The following SPMIP9 variants were observed in gnomAD, a reference collection of about 807,000 sequenced individuals.
The protein encoded by SPMIP9 is protein SPMIP9.
chr2:88,529,076 C>T, the SPMIP9 span: 385 of 1,612,926 alleles, frequency 2.4e-4, 1 homozygote, highest in South Asian at 5.6e-4. Flanking sequence ...TGCTCAACTC[C>T]GGGACAAAGA....
the SPMIP9 span, among the ~76,000 whole-genome samples, chr2:88,527,590 A>G: frequency 3.9e-5 from 6 of 152,140 alleles, no homozygotes; most frequent in Admixed American, 2.6e-4. Flanking sequence ...ACATTATGGC[A>G]TATTATTCAT....
chr2:88,526,390 C>T, the SPMIP9 span: 3 of 1,591,138 alleles, frequency 1.9e-6, no homozygotes, highest in Non-Finnish European at 2.6e-6. Context: ...GTTTTATATT[C>T]TCCTTGTGCT....
At chr2:88,529,152 C>G in the SPMIP9 span, 2 of 1,614,144 alleles carry the variant, frequency 1.2e-6, no homozygotes, top group South Asian at 1.1e-5. Context: ...TTCAAAAGAC[C>G]CCACATGACT....
the SPMIP9 span, chr2:88,525,589 T>A: frequency 6.2e-7 from 1 of 1,612,248 alleles, no homozygotes; most frequent in Admixed American, 1.7e-5. Flanking sequence ...GTGGCTACTT[T>A]CCTTGTCTGT....
chr2:88,526,332 A>G, the SPMIP9 span: 1 of 1,190,966 alleles, frequency 8.4e-7, no homozygotes, highest in Admixed American at 1.7e-5. Flanking sequence ...ACAAACAGCA[A>G]GAAGCCATTG....
chr2:88,527,220 C>G, the SPMIP9 span, among the ~76,000 whole-genome samples: 4 of 152,096 alleles, frequency 2.6e-5, no homozygotes, highest in Non-Finnish European at 4.4e-5. Flanking sequence ...GGAATCCCAG[C>G]ATTTTGGGAG....
the SPMIP9 span, chr2:88,526,445 T>C: frequency 1.2e-6 from 2 of 1,614,120 alleles, no homozygotes; most frequent in South Asian, 2.2e-5. Context: ...TCCCACATGG[T>C]CGACTATCAG....
the SPMIP9 span, chr2:88,529,454 T>C: frequency 3.7e-6 from 6 of 1,612,840 alleles, no homozygotes; most frequent in South Asian, 1.1e-5. Context: ...GTGGGGACCC[T>C]TGATGCCATT....
chr2:88,529,059 AGCTC>A, the SPMIP9 span: 1 of 1,610,358 alleles, frequency 6.2e-7, no homozygotes, highest in Non-Finnish European at 8.5e-7. Flanking sequence ...CAGCAGGCAA[AGCTC>A]GATGCTCAAC....
chr2:88,525,559 G>C, the SPMIP9 span: 1 of 1,547,962 alleles, frequency 6.5e-7, no homozygotes, highest in Non-Finnish European at 8.9e-7. Context: ...GCCATGCTTG[G>C]TTGGCACAGC....
chr2:88,526,438 C>T, the SPMIP9 span: 2 of 1,614,054 alleles, frequency 1.2e-6, no homozygotes, highest in Non-Finnish European at 1.7e-6. Context: ...CCAAAGCTCC[C>T]ACATGGTCGA....
chr2:88,525,822 GA>G, the SPMIP9 span: 1 of 768,492 alleles, frequency 1.3e-6, no homozygotes, highest in South Asian at 1.7e-5. Context: ...GGTACAAGAA[GA>G]AGAAGAGAAC....
the SPMIP9 span, among the ~76,000 whole-genome samples, chr2:88,526,689 G>A: frequency 6.6e-6 from 1 of 151,850 alleles, no homozygotes; most frequent in Non-Finnish European, 1.5e-5. Context: ...TTTTGAGAAG[G>A]AGTCTTACTC....
At chr2:88,529,451 C>T in the SPMIP9 span, 1 of 1,612,922 alleles carries the variant, frequency 6.2e-7, no homozygotes. Flanking sequence ...CCGGTGGGGA[C>T]CCTTGATGCC....
chr2:88,526,623 T>G, the SPMIP9 span: 1 of 743,430 alleles, frequency 1.3e-6, no homozygotes, highest in East Asian at 2.7e-5. Context: ...CCAGGAGATA[T>G]GACTTAGAGA....
chr2:88,529,226 G>A, the SPMIP9 span: 125 of 1,614,138 alleles, frequency 7.7e-5, no homozygotes, highest in East Asian at 1.6e-3. Context: ...GAGGGAGGAC[G>A]AGCGCAAGTT....
chr2:88,527,679 T>TTGG, the SPMIP9 span, among the ~76,000 whole-genome samples: 1 of 152,196 alleles, frequency 6.6e-6, no homozygotes, highest in African/African-American at 2.4e-5. Flanking sequence ...TCTCTTCTTA[T>TTGG]TGGTGGACAT....
the SPMIP9 span, among the ~76,000 whole-genome samples, chr2:88,528,544 A>G: frequency 6.6e-6 from 1 of 152,234 alleles, no homozygotes; most frequent in Non-Finnish European, 1.5e-5. Flanking sequence ...AATTGTTAAT[A>G]TAGTTAGATT....
the SPMIP9 span, chr2:88,525,815 A>C: frequency 2.6e-6 from 2 of 763,384 alleles, no homozygotes; most frequent in Non-Finnish European, 4.3e-6. Flanking sequence ...TTTTTTTGGT[A>C]CAAGAAGAAG....
Sources: gnomAD v4.1 joint callset for allele counts (sites outside exome capture counted in the v4.1 genomes callset) on GRCh38, gnomAD v4.1.1 for gene constraint, MANE v1.5 for transcripts, NCBI Gene and HGNC (gene_info 2026-07-23, HGNC 2026-07-21) for gene names.